The following ANKRD6 variants were observed in gnomAD, a reference collection of about 807,000 sequenced individuals.
The protein encoded by ANKRD6 is ankyrin repeat domain 6.
Under a neutral mutation model 82.3 loss-of-function variants are expected in ANKRD6, and 56 were observed. That is an observed-to-expected ratio of 0.68 (90% CI 0.55 to 0.85). The LOEUF is 0.85. Among genes scored for constraint, ANKRD6 ranks in the 40% least tolerant of loss-of-function variants. ANKRD6 has a pLI of 0.00. For missense variants in ANKRD6, 852 were observed against 907.6 expected (o/e 0.94, Z 0.79); for synonymous variants, 347 against 352.1 (o/e 0.99, Z 0.16).
chr6:89,624,570 T>C lies in ANKRD6; in HGVS notation c.1250T>C (p.Leu417Pro), dbSNP rs1178030729. 6.4e-7 allele frequency: 1 copy of C among 1,554,624 alleles called. No homozygotes were observed. The highest frequency in any genetic ancestry group is 1.2e-5 in the South Asian group (1 of 84,174). The change falls in exon 13 of 16, where the codon CTA (leucine) becomes CCA (proline). Residue 417 changes from leucine to proline, a missense_variant. Coordinates refer to ENST00000339746, the MANE Select transcript of ANKRD6 (RefSeq NM_001242809.2). ...ATAAATGGTTGTCGATGTGAACCTCTAATCAACAAGCTGGAGAATCAGTTG... is the reference window on the plus strand; with the variant it reads ...ATAAATGGTTGTCGATGTGAACCTCCAATCAACAAGCTGGAGAATCAGTTG... ...APINGCRCEP[L>P]INKLENQLEA... is the part of the protein sequence containing the mutation.
chr6:89,434,517 C>T (rs985127004), intron 1 of ANKRD6, among the ~76,000 whole-genome samples: 2 of 152,130 alleles, frequency 1.3e-5, no homozygotes, highest in Non-Finnish European at 2.9e-5. Context: ...GACAGAGTTT[C>T]GCTCTGTTGC....
intron 1 of ANKRD6, among the ~76,000 whole-genome samples, chr6:89,497,493 G>T (rs1778765265): frequency 6.6e-6 from 1 of 152,134 alleles, no homozygotes. Context: ...AAGACTACAA[G>T]AAATGGTATA....
intron 1 of ANKRD6, among the ~76,000 whole-genome samples, chr6:89,508,645 T>TC (rs1478512295): frequency 3.3e-5 from 5 of 152,166 alleles, no homozygotes; most frequent in African/African-American, 9.7e-5. Flanking sequence ...GACACGGTCA[T>TC]CAACATTAGA....
At chr6:89,542,463 AC>A (rs1376962582) in intron 1 of ANKRD6, among the ~76,000 whole-genome samples, 2 of 152,176 alleles carry the variant, frequency 1.3e-5, no homozygotes, top group African/African-American at 2.4e-5. Flanking sequence ...TCTATGGGAT[AC>A]TTTTAGAAAG....
chr6:89,573,970 A>G (rs73752774), intron 2 of ANKRD6, among the ~76,000 whole-genome samples: 12,317 of 152,148 alleles, frequency 0.081, 581 homozygotes, highest in Middle Eastern at 0.16. Flanking sequence ...CTTGTTCTCT[A>G]TGCATTCTGT....
intron 1 of ANKRD6, among the ~76,000 whole-genome samples, chr6:89,458,625 C>A (rs1205913015): frequency 6.6e-6 from 1 of 152,198 alleles, no homozygotes; most frequent in Non-Finnish European, 1.5e-5. Context: ...GAAGACTCAG[C>A]AAGTCTGCCC....
intron 2 of ANKRD6, among the ~76,000 whole-genome samples, chr6:89,586,155 A>G (rs1271720590): frequency 6.6e-6 from 1 of 152,232 alleles, no homozygotes. Context: ...ATTTATGAGA[A>G]TAATAATACA....
chr6:89,609,802 A>G (rs759113897), intron 5 of ANKRD6, among the ~76,000 whole-genome samples: 1 of 151,614 alleles, frequency 6.6e-6, no homozygotes, highest in Non-Finnish European at 1.5e-5. Context: ...AGTAGAGACG[A>G]GGTTTCACCA....
At chr6:89,544,883 T>G (rs1784883230) in intron 1 of ANKRD6, among the ~76,000 whole-genome samples, 2 of 151,956 alleles carry the variant, frequency 1.3e-5, no homozygotes, top group Non-Finnish European at 2.9e-5. Context: ...TTTACAGGAT[T>G]TCTAGGCAAG....
At chr6:89,471,141 A>G (rs1775400968) in intron 1 of ANKRD6, among the ~76,000 whole-genome samples, 1 of 152,100 alleles carries the variant, frequency 6.6e-6, no homozygotes, top group Admixed American at 6.5e-5. Flanking sequence ...ACTTGAGATC[A>G]GGAGTTCGAG....
chr6:89,499,674 T>G (rs748124337), intron 1 of ANKRD6, among the ~76,000 whole-genome samples: 3 of 152,126 alleles, frequency 2.0e-5, no homozygotes, highest in Non-Finnish European at 2.9e-5. Flanking sequence ...CAGTTCATAA[T>G]GCATGGTAAG....
intron 2 of ANKRD6, among the ~76,000 whole-genome samples, chr6:89,592,782 C>T (rs915335400): frequency 6.6e-6 from 1 of 151,980 alleles, no homozygotes; most frequent in Admixed American, 6.6e-5. Flanking sequence ...AGGAGGATCT[C>T]TTGAGACACA....
Position 89,433,405 on chromosome 6 carries a change from A to AC in ANKRD6, c.-144+35dup, listed in dbSNP as rs1003967256. On this transcript the variant is annotated intron_variant, in intron 1 of 15. Coordinates refer to ENST00000339746, the MANE Select transcript of ANKRD6 (RefSeq NM_001242809.2). This position sits in a 1 kb window ranked among gnomAD's most constrained non-coding sequence, Gnocchi z 4.3. ...CAGGCGACCTCGCCGGCTCCCTGGG[A>AC]CCCCCGCTTACACCGGGGTGGGCGC... 2.6e-5 allele frequency: 4 copies of AC among 152,012 alleles called. No individual in the cohort carries two copies. In the South Asian group the frequency reaches 6.2e-4, roughly 24 times the overall value. The allele number at this position is 152,012 out of a possible 1,614,324, so 9.4% of individuals were successfully genotyped here.
chr6:89,545,346 T>C (rs1784964366), intron 1 of ANKRD6, among the ~76,000 whole-genome samples: 1 of 152,208 alleles, frequency 6.6e-6, no homozygotes, highest in Non-Finnish European at 1.5e-5. Flanking sequence ...TGGTTCCATC[T>C]GGGTAAACTC....
At chr6:89,594,422 C>T (rs1189135472) in intron 2 of ANKRD6, among the ~76,000 whole-genome samples, 1 of 151,418 alleles carries the variant, frequency 6.6e-6, no homozygotes, top group Non-Finnish European at 1.5e-5. Flanking sequence ...CCATTGCACT[C>T]CAGCCTGGGC....
intron 1 of ANKRD6, among the ~76,000 whole-genome samples, chr6:89,452,760 A>G (rs1483141884): frequency 6.6e-6 from 1 of 152,184 alleles, no homozygotes; most frequent in Non-Finnish European, 1.5e-5. Flanking sequence ...TGGACAATAA[A>G]GATGCCCTTT....
chr6:89,499,298 C>T (rs911933166), intron 1 of ANKRD6, among the ~76,000 whole-genome samples: 1 of 152,212 alleles, frequency 6.6e-6, no homozygotes, highest in African/African-American at 2.4e-5. Flanking sequence ...AGACTGCCTT[C>T]TCCAGGACTT....
At chr6:89,545,080 G>A (rs961689822) in intron 1 of ANKRD6, among the ~76,000 whole-genome samples, 20 of 151,988 alleles carry the variant, frequency 1.3e-4, no homozygotes, top group African/African-American at 4.8e-4. Context: ...GGGCGTGGTG[G>A]CGGGCGCCTG....
chr6:89,603,033 A>G lies in ANKRD6; in HGVS notation c.224A>G (p.Asp75Gly). Residue 75 changes from aspartate to glycine, a missense_variant, in exon 4 of 16, where the codon GAC becomes GGC. Transcript: ENST00000339746. ...GCDLDVQDDG[D>G]QTALHRATVV... The stretch of plus-strand genomic sequence containing the variant: ...TGCCTTTGTGTCACTTTGCAGGGGG[A>G]CCAGACCGCCTTGCACCGGGCCACA... The G allele has an allele frequency of 6.2e-7, 1 of 1,601,660 alleles. No homozygotes were observed. Among genetic ancestry groups the G allele is most frequent in the South Asian group, 1.1e-5 (1 of 88,218 alleles).
Sources: gnomAD v4.1 joint callset for allele counts (sites outside exome capture counted in the v4.1 genomes callset) on GRCh38, gnomAD v4.1.1 for gene constraint, Gnocchi (gnomAD v3.1) non-coding constraint, MANE v1.5 for transcripts, NCBI Gene and HGNC (gene_info 2026-07-23, HGNC 2026-07-21) for gene names.